Variants in PITHD1 observed in about 807,000 individuals in gnomAD.
The protein encoded by PITHD1 is PITH domain containing 1, also known as PITH domain-containing protein 1.
PITHD1 carries 8 observed loss-of-function variants against 27.5 expected under a neutral mutation model. The observed-to-expected ratio is 0.29, with a 90% CI of 0.17 to 0.52. The LOEUF (loss-of-function observed/expected upper bound fraction) is 0.52. PITHD1 is among the 20% of genes least tolerant of loss of function. The pLI is 0.96. For synonymous variants in PITHD1, 118 were observed against 106.8 expected, an observed-to-expected ratio of 1.10 and a Z score of -0.64; for missense variants, 233 against 283.9, an observed-to-expected ratio of 0.82 and a Z score of 1.29.
At chr1:23,784,605 A>G (rs1017993856) in intron 3 of PITHD1, among the ~76,000 whole-genome samples, 33 of 152,138 alleles carry the variant, frequency 2.2e-4, no homozygotes, top group African/African-American at 3.9e-4. Flanking sequence ...GGGTGTGTCA[A>G]TAAAACACCC....
chr1:23,788,103 C>A lies in PITHD1; in HGVS notation c.*727C>A, dbSNP rs1638712061. The A allele has an allele frequency of 6.6e-6, 1 of 152,198 alleles. No homozygotes were observed. The highest frequency in any genetic ancestry group is 2.1e-4 in the South Asian group (1 of 4,824). 9.4% of individuals were successfully genotyped at this position (152,198 alleles called of 1,614,324 possible). Reference sequence around the variant, plus strand: ...TTAGTTAAGATTCCCCTTGGAAATTCCTTAATGTTTATTAGCTTCTAACTA... The same window carrying A: ...TTAGTTAAGATTCCCCTTGGAAATTACTTAATGTTTATTAGCTTCTAACTA... On this transcript the variant is annotated 3_prime_UTR_variant, in exon 6 of 6. Transcript: ENST00000246151.
Position 23,787,423 on chromosome 1 carries a change from C to A in PITHD1, c.*47C>A. ...GAGGCGCTGTGTCAGTGAAGATGTA[C>A]GACTACCTGTTGGGAAGGACAAAGG... is the stretch of plus-strand genomic sequence containing the variant. On this transcript the variant is annotated 3_prime_UTR_variant, in exon 6 of 6. Coordinates refer to ENST00000246151, the MANE Select transcript of PITHD1 (RefSeq NM_020362.5). 9.4e-7 allele frequency: 1 copy of A among 1,064,566 alleles called. No individual in the cohort carries two copies. The highest frequency in any genetic ancestry group is 1.5e-6 in the Non-Finnish European group (1 of 685,892). 65.9% of individuals were successfully genotyped at this position (1,064,566 alleles called of 1,614,324 possible).
chr1:23,786,418 A>C lies in PITHD1; in HGVS notation c.529A>C (p.Thr177Pro). Residue 177 changes from threonine (T) to proline (P), a missense_variant, in exon 5 of 6, where the codon ACT (threonine) becomes CCT (proline). Coordinates refer to ENST00000246151, the MANE Select transcript of PITHD1 (RefSeq NM_020362.5). ...VFYIGLRGEW[T>P]ELRRHEVTIC... ...TTATATTGGCCTGAGAGGAGAGTGG[A>C]CTGAGGTAAGATGGGGTTGGAAAGG... 1 of 1,549,942 alleles carries C rather than the reference A, an allele frequency of 6.5e-7. No individual in the cohort carries two copies. The highest frequency in any genetic ancestry group is 8.9e-7 in the Non-Finnish European group (1 of 1,125,096).
At chr1:23,786,068 A>G (rs1638677966) in intron 4 of PITHD1, among the ~76,000 whole-genome samples, 1 of 152,248 alleles carries the variant, frequency 6.6e-6, no homozygotes, top group Non-Finnish European at 1.5e-5. Context: ...TGGGTTATGC[A>G]GCATTTCTCA....
At chr1:23,779,813 A>G (rs1162124587) in intron 2 of PITHD1, 51 bp from the exon 3 acceptor site, 1 of 1,361,564 alleles carries the variant, frequency 7.3e-7, no homozygotes, top group African/African-American at 1.4e-5. Flanking sequence ...CACACAACTA[A>G]ACAGGTATTC....
chr1:23,779,384 A>T, intron 1 of PITHD1, 54 bp from the exon 2 acceptor site: 1 of 1,390,624 alleles, frequency 7.2e-7, no homozygotes, highest in Non-Finnish European at 1.0e-6. Flanking sequence ...CTGAAATTGT[A>T]GGCTCTCAGC....
At chr1:23,785,993 G>C (rs544844233) in intron 4 of PITHD1, among the ~76,000 whole-genome samples, 2 of 152,220 alleles carry the variant, frequency 1.3e-5, no homozygotes, top group African/African-American at 4.8e-5. Flanking sequence ...CTCCTAGGGT[G>C]GTTTTAGGAA....
chr1:23,788,008 C>G lies in PITHD1; in HGVS notation c.*632C>G, dbSNP rs1257709943. Reference sequence around the variant, plus strand: ...GGAGAAGGTCTTTTCCACTGCCTAGCTAAGCAGTCTGGGGAGAGCATGGGG... The same window carrying G: ...GGAGAAGGTCTTTTCCACTGCCTAGGTAAGCAGTCTGGGGAGAGCATGGGG... On this transcript the variant is annotated 3_prime_UTR_variant, in exon 6 of 6. Coordinates refer to ENST00000246151, the MANE Select transcript of PITHD1 (RefSeq NM_020362.5). 2.0e-5 allele frequency: 3 copies of G among 152,260 alleles called. No individual in the cohort carries two copies. The highest frequency in any genetic ancestry group is 2.9e-5 in the Non-Finnish European group (2 of 68,120). 9.4% of individuals were successfully genotyped at this position (152,260 alleles called of 1,614,324 possible).
intron 3 of PITHD1, among the ~76,000 whole-genome samples, chr1:23,780,652 CGGGCG>C (rs1638582683): frequency 1.3e-5 from 2 of 152,110 alleles, no homozygotes; most frequent in African/African-American, 4.8e-5. Flanking sequence ...GAGGCTGAGG[CGGGCG>C]GATCACCTGA....
rs1284709984 is a variant in PITHD1 at position 23,779,921 on chromosome 1, A to G, written c.300A>G (p.Ser100=). 6.2e-7 allele frequency: 1 copy of G among 1,611,922 alleles called. No individual in the cohort carries two copies. The highest frequency in any genetic ancestry group is 1.1e-5 in the South Asian group (1 of 91,034). Residue 100 remains serine (S), a synonymous_variant, in exon 3 of 6, where the codon TCA becomes TCG. Transcript: ENST00000246151. ...GIIIMGEDDD[S]HPSEMRLYKN... ...TTATAATGGGAGAGGATGATGACTC[A>G]CACCCCTCTGAGATGAGACTGTAAG...
In PITHD1 at chr1:23,778,456, G is replaced by A. The variant is rs1638542233; in HGVS notation, c.-60G>A. 1 of 1,233,502 alleles carries A rather than the reference G, an allele frequency of 8.1e-7. No individual in the cohort carries two copies. Among genetic ancestry groups the A allele is most frequent in the African/African-American group, 1.6e-5 (1 of 63,170 alleles). The allele number at this position is 1,233,502 out of a possible 1,614,324, so 76.4% of individuals were successfully genotyped here. On this transcript the variant is annotated 5_prime_UTR_variant, in exon 1 of 6. Coordinates refer to ENST00000246151, the MANE Select transcript of PITHD1 (RefSeq NM_020362.5). ...GAACGGCGCGGAGCTGGTCTGAGGCGAGCCGAGCCGAGCGAGCGCGGCGGT... is the reference window on the plus strand; with the variant it reads ...GAACGGCGCGGAGCTGGTCTGAGGCAAGCCGAGCCGAGCGAGCGCGGCGGT...
chr1:23,778,660 G>A lies in PITHD1; in HGVS notation c.145G>A (p.Gly49Ser), dbSNP rs1178668633. Residue 49 changes from glycine (G) to serine (S), a missense_variant, in exon 1 of 6, where the codon GGC becomes AGC. Physicochemically the swap from Gly to Ser is moderately conservative, Grantham distance 56. Coordinates refer to ENST00000246151, the MANE Select transcript of PITHD1 (RefSeq NM_020362.5). ...RLQCLNESREGSGRGVFKPWE... is the reference protein window; with the variant it reads ...RLQCLNESRESSGRGVFKPWE... Reference sequence around the variant, plus strand: ...GCAATGCCTTAACGAGAGCCGCGAGGGCAGCGGCCGCGGCGTCTTCAAGCC... The same window carrying A: ...GCAATGCCTTAACGAGAGCCGCGAGAGCAGCGGCCGCGGCGTCTTCAAGCC... The A allele has an allele frequency of 7.5e-7, 1 of 1,327,458 alleles. No individual in the cohort carries two copies. Among genetic ancestry groups the A allele is most frequent in the Non-Finnish European group, 9.6e-7 (1 of 1,039,644 alleles). The allele number at this position is 1,327,458 out of a possible 1,614,324, so 82.2% of individuals were successfully genotyped here.
At chr1:23,780,404 C>G (rs1638579720) in intron 3 of PITHD1, among the ~76,000 whole-genome samples, 1 of 152,200 alleles carries the variant, frequency 6.6e-6, no homozygotes, top group Non-Finnish European at 1.5e-5. Context: ...GTGTATACCT[C>G]TTGCAACACT....
chr1:23,786,450 C>T, intron 5 of PITHD1, 27 bp downstream of exon 5: 1 of 1,164,064 alleles, frequency 8.6e-7, no homozygotes, highest in Non-Finnish European at 1.3e-6. Context: ...AAGGTTTTCC[C>T]CTCATGTCTA....
At chr1:23,785,845 A>G (rs1226199259) in intron 4 of PITHD1, 66 bp downstream of exon 4, 1 of 860,274 alleles carries the variant, frequency 1.2e-6, no homozygotes, top group Non-Finnish European at 2.0e-6. Flanking sequence ...ATTTTTGGCC[A>G]GTCTCCTGCT....
chr1:23,782,356 T>C (rs1366940919), intron 3 of PITHD1, among the ~76,000 whole-genome samples: 17 of 151,202 alleles, frequency 1.1e-4, no homozygotes, highest in Admixed American at 1.1e-3. Context: ...GAGGCGGAGG[T>C]TGCAGTGAGC....
intron 3 of PITHD1, among the ~76,000 whole-genome samples, chr1:23,782,812 A>G (rs537310529): frequency 6.6e-6 from 1 of 151,914 alleles, no homozygotes; most frequent in East Asian, 1.9e-4. Flanking sequence ...TATGTTGCCC[A>G]GGCTGGTCTT....
rs749671188 is a variant in PITHD1 at position 23,787,269 on chromosome 1, T to A, written c.535-6T>A. The A allele has an allele frequency of 1.2e-6, 2 of 1,611,544 alleles. No homozygotes were observed. Among genetic ancestry groups the A allele is most frequent in the East Asian group, 4.5e-5 (2 of 44,870 alleles). On this transcript the variant is annotated splice_polypyrimidine_tract_variant and splice_region_variant and intron_variant, in intron 5 of 5. Transcript: ENST00000246151. ...GCTGGCTGACCCAGCCTCAATTTTCTTGCAGCTTCGCCGACACGAGGTGAC... is the reference window on the plus strand; with the variant it reads ...GCTGGCTGACCCAGCCTCAATTTTCATGCAGCTTCGCCGACACGAGGTGAC...
chr1:23,784,385 C>T (rs1462083860), intron 3 of PITHD1, among the ~76,000 whole-genome samples: 15 of 151,854 alleles, frequency 9.9e-5, no homozygotes, highest in African/African-American at 2.7e-4. Flanking sequence ...GGACTACAGG[C>T]GCCTGCCACC....
Sources: gnomAD v4.1 joint callset for allele counts (sites outside exome capture counted in the v4.1 genomes callset) on GRCh38, gnomAD v4.1.1 for gene constraint, MANE v1.5 for transcripts, NCBI Gene and HGNC (gene_info 2026-07-23, HGNC 2026-07-21) for gene names.